Variants in SUPT7L observed in about 807,000 individuals in gnomAD.
The protein encoded by SUPT7L is SPT7 like, STAGA complex subunit gamma, also known as STAGA complex 65 subunit gamma.
Under a neutral mutation model 35.7 loss-of-function variants are expected in SUPT7L, and 15 were observed. That is an observed-to-expected ratio of 0.42 (90% CI 0.28 to 0.65). The LOEUF is 0.65. SUPT7L is among the 30% of genes least tolerant of loss of function. The pLI, the probability that SUPT7L is intolerant of heterozygous loss-of-function variation, is 0.23. For synonymous variants in SUPT7L, 168 were observed against 186.2 expected, an observed-to-expected ratio of 0.90 and a Z score of 0.79; for missense variants, 434 against 522.2, an observed-to-expected ratio of 0.83 and a Z score of 1.65.
rs1390751342 is a variant in SUPT7L at position 27,661,258 on chromosome 2, G to A, written c.145C>T (p.Pro49Ser). ...GAGGGGATGTCCAGCATAGTGGGGG[G>A]CTTCGGCTTGTTGGCTGAGGGTTGG... ...LHQPSANKPK[P>S]PTMLDIPSEP... The change falls in exon 3 of 6, where the codon CCC becomes TCC. Residue 49 changes from proline to serine, a missense_variant. Physicochemically the swap from Pro to Ser is moderately conservative, Grantham distance 74. Around this residue, in one of 3 missense-constraint regions of SUPT7L, gnomAD observed 77 missense variants for 114.4 expected, o/e 0.67. Coordinates refer to ENST00000337768, the MANE Select transcript of SUPT7L (RefSeq NM_014860.3). The A allele has an allele frequency of 1.2e-6, 2 of 1,613,490 alleles. No homozygotes were observed. The highest frequency in any genetic ancestry group is 2.2e-5 in the South Asian group (2 of 91,018).
chr2:27,659,050 T>C (rs1674930622), intron 3 of SUPT7L, among the ~76,000 whole-genome samples: 1 of 152,256 alleles, frequency 6.6e-6, no homozygotes, highest in African/African-American at 2.4e-5. Flanking sequence ...TTTAATATGA[T>C]AGATAACATT....
At chr2:27,642,958 T>TACACACACACACAC in the SUPT7L span, among the ~76,000 whole-genome samples, 132 of 122,652 alleles carry the variant, frequency 1.1e-3, no homozygotes, top group Middle Eastern at 8.0e-3. Context: ...TATATATATA[T>TACACACACACACAC]ACACACACAC....
chr2:27,653,797 A>C (rs759829445), intron 5 of SUPT7L, 50 bp from the exon 6 acceptor site: 1 of 1,606,426 alleles, frequency 6.2e-7, no homozygotes, highest in African/African-American at 1.3e-5. Flanking sequence ...TGTGTAGCCA[A>C]GTGTAGAACA....
chr2:27,660,387 CTAAT>C (rs891800016), intron 3 of SUPT7L, among the ~76,000 whole-genome samples: 4 of 152,020 alleles, frequency 2.6e-5, no homozygotes. Flanking sequence ...CTACACCTGA[CTAAT>C]TTTTGTATTT....
intron 5 of SUPT7L, among the ~76,000 whole-genome samples, chr2:27,653,954 T>C (rs751568969): frequency 6.6e-6 from 1 of 152,162 alleles, no homozygotes; most frequent in Non-Finnish European, 1.5e-5. Flanking sequence ...ATTATCTTCT[T>C]TTCCATTTCT....
Position 27,651,849 on chromosome 2 carries a change from A to G in SUPT7L, c.*1636T>C, listed in dbSNP as rs992580383. On this transcript the variant is annotated 3_prime_UTR_variant, in exon 6 of 6. Coordinates refer to ENST00000337768, the MANE Select transcript of SUPT7L (RefSeq NM_014860.3). ...TCATTATAAACAAAGGAAAATGAAG[A>G]TAAGACTGCAACAGAGGCCAGGTGC... The G allele has an allele frequency of 6.6e-6, 1 of 152,200 alleles. No individual in the cohort carries two copies. 9.4% of individuals were successfully genotyped at this position (152,200 alleles called of 1,614,324 possible). A position where few individuals can be genotyped will look rare whatever the true frequency, so the allele number is the denominator to read the frequency against.
chr2:27,651,273 A>G lies in SUPT7L; in HGVS notation c.*2212T>C, dbSNP rs567345403. 13 of 152,330 alleles carry G rather than the reference A, an allele frequency of 8.5e-5. No homozygotes were observed. The highest frequency in any genetic ancestry group is 7.2e-4 in the Admixed American group (11 of 15,300). The allele number at this position is 152,330 out of a possible 1,614,324, so 9.4% of individuals were successfully genotyped here. A position where few individuals can be genotyped will look rare whatever the true frequency, so the allele number is the denominator to read the frequency against. On this transcript the variant is annotated 3_prime_UTR_variant, in exon 6 of 6. Transcript: ENST00000337768. ...TCAGCATCATCTGGGGAATTGTTCAACTTACCTCTTATAACCTATGAACTC... is the reference window on the plus strand; with the variant it reads ...TCAGCATCATCTGGGGAATTGTTCAGCTTACCTCTTATAACCTATGAACTC...
At chr2:27,661,502 A>G in intron 2 of SUPT7L, 114 bp from the exon 3 acceptor site, 1 of 1,519,162 alleles carries the variant, frequency 6.6e-7, no homozygotes, top group Non-Finnish European at 8.7e-7. Flanking sequence ...GTAGTGAAAA[A>G]TACGAGGTCT....
chr2:27,662,135 T>C (rs1361551112), intron 2 of SUPT7L, 44 bp downstream of exon 2: 29 of 1,613,880 alleles, frequency 1.8e-5, no homozygotes, highest in Non-Finnish European at 2.4e-5. Context: ...TCAGAATTCC[T>C]TGGCTTACCA....
chr2:27,642,819 C>T, the SUPT7L span, among the ~76,000 whole-genome samples: 1 of 151,984 alleles, frequency 6.6e-6, no homozygotes, highest in Non-Finnish European at 1.5e-5. Context: ...CCCACCTGGG[C>T]CTCCCAAAAT....
chr2:27,651,600 C>T lies in SUPT7L; in HGVS notation c.*1885G>A, dbSNP rs1674556395. On this transcript the variant is annotated 3_prime_UTR_variant, in exon 6 of 6. Coordinates refer to ENST00000337768, the MANE Select transcript of SUPT7L (RefSeq NM_014860.3). ...GAGGAGAACATTCGCAAAACTCAAG[C>T]ATACTTGGTTTTTCTCTGTAGTACT... 6.6e-6 allele frequency: 1 copy of T among 152,212 alleles called. No homozygotes were observed. Among genetic ancestry groups the T allele is most frequent in the African/African-American group, 2.4e-5 (1 of 41,446 alleles). The allele number at this position is 152,212 out of a possible 1,614,324, so 9.4% of individuals were successfully genotyped here. A position where few individuals can be genotyped will look rare whatever the true frequency, so the allele number is the denominator to read the frequency against.
At chr2:27,656,013 C>G (rs1028135708) in intron 4 of SUPT7L, among the ~76,000 whole-genome samples, 1 of 150,984 alleles carries the variant, frequency 6.6e-6, no homozygotes, top group African/African-American at 2.4e-5. Flanking sequence ...CTAGTGAGAC[C>G]CCATCTCTAC....
rs1257044720 is a variant in SUPT7L, at chr2:27,661,004, G to A, written c.399C>T (p.Asp133=). The A allele has an allele frequency of 6.2e-7, 1 of 1,614,018 alleles. No individual in the cohort carries two copies. Among genetic ancestry groups the A allele is most frequent in the Non-Finnish European group, 8.5e-7 (1 of 1,179,912 alleles). The change falls in exon 3 of 6, where the codon GAC becomes GAT. Residue 133 remains aspartate (D), a synonymous_variant. Transcript: ENST00000337768. ...PNAPFQIRHS[D]PESDFYRGKG... ...CTTACCGATAAAAGTCACTCTCTGG[G>A]TCACTGTGCCGGATCTGGAATGGTG...
chr2:27,653,847 G>C, intron 5 of SUPT7L, 100 bp from the exon 6 acceptor site: 1 of 1,439,602 alleles, frequency 6.9e-7, no homozygotes, highest in Non-Finnish European at 9.5e-7. Context: ...AATATGCTTT[G>C]AGCTCAGTTT....
At chr2:27,645,202 C>T in the SUPT7L span, among the ~76,000 whole-genome samples, 1 of 152,136 alleles carries the variant, frequency 6.6e-6, no homozygotes, top group African/African-American at 2.4e-5. Flanking sequence ...AACTCTTGGC[C>T]TCAGGCAGTC....
At chr2:27,663,110 C>G (rs1162255125) in intron 1 of SUPT7L, among the ~76,000 whole-genome samples, 3 of 151,882 alleles carry the variant, frequency 2.0e-5, no homozygotes, top group Non-Finnish European at 4.4e-5. Flanking sequence ...TGATTCAATT[C>G]TTCCAACAAC....
chr2:27,649,802 A>T (rs1425765305), downstream of SUPT7L, among the ~76,000 whole-genome samples: 1 of 152,206 alleles, frequency 6.6e-6, no homozygotes, highest in Admixed American at 6.5e-5. Context: ...TTTAGCTATT[A>T]TGAGTAAAGC....
At position 27,657,364 on chromosome 2, in the gene SUPT7L, T is replaced by C. The variant is rs1477581171; in HGVS notation, c.725A>G (p.Tyr242Cys). Residue 242 changes from tyrosine to cysteine, a missense_variant, in exon 4 of 6, where the codon TAT (tyrosine) becomes TGT (cysteine). This residue lies in a region of SUPT7L where 159 missense variants were observed against 217.1 expected (regional missense o/e 0.73). Coordinates refer to ENST00000337768, the MANE Select transcript of SUPT7L (RefSeq NM_014860.3). This position sits in a 1 kb window ranked among gnomAD's most constrained non-coding sequence, Gnocchi z 5.2. Reference protein sequence around the residue: ...QKFWQHRIKDYHSYMLQISKQ... With the variant: ...QKFWQHRIKDCHSYMLQISKQ... ...CCTCACCTGTAGCATGTAACTGTGA[T>C]AGTCCTTGATGCGGTGCTGCCAGAA... The C allele has an allele frequency of 1.2e-6, 2 of 1,614,086 alleles. No homozygotes were observed. Among genetic ancestry groups the C allele is most frequent in the Non-Finnish European group, 8.5e-7 (1 of 1,180,006 alleles).
At chr2:27,643,412 T>C in the SUPT7L span, among the ~76,000 whole-genome samples, 4 of 152,142 alleles carry the variant, frequency 2.6e-5, no homozygotes, top group Admixed American at 2.6e-4. The surrounding 1 kb of genome is among the most constrained non-coding windows in gnomAD (Gnocchi z 4.0). Context: ...CTCTTTTACC[T>C]TGAATAATTC....
Sources: gnomAD v4.1 joint callset for allele counts (sites outside exome capture counted in the v4.1 genomes callset) on GRCh38, gnomAD v4.1.1 for gene constraint, gnomAD v4.1.1 regional missense constraint, Gnocchi (gnomAD v3.1) non-coding constraint, MANE v1.5 for transcripts, NCBI Gene and HGNC (gene_info 2026-07-23, HGNC 2026-07-21) for gene names.